Variants in RBFOX1 observed in about 807,000 individuals in gnomAD.
The protein encoded by RBFOX1 is RNA binding protein fox-1 homolog 1.
Under a neutral mutation model 57.7 loss-of-function variants are expected in RBFOX1, and 8 were observed. The observed-to-expected ratio is 0.14, with a 90% confidence interval of 0.08 to 0.25. RBFOX1 has a LOEUF of 0.25. RBFOX1 is among the 10% of genes least tolerant of loss of function. The probability of loss-of-function intolerance (pLI) is 1.00; values close to 1 mark genes in which losing one functional copy is unlikely to be tolerated. For missense variants in RBFOX1, 611 were observed against 548.5 expected, an observed-to-expected ratio of 1.11 and a Z score of -1.14; for synonymous variants, 326 against 222.4, an observed-to-expected ratio of 1.47 and a Z score of -4.15.
intron 1 of RBFOX1, among the ~76,000 whole-genome samples, chr16:6,310,272 C>G (rs939267179): frequency 6.6e-6 from 1 of 152,186 alleles, no homozygotes; most frequent in African/African-American, 2.4e-5. Context: ...AAGAGCCTCA[C>G]TGGTTCCTTA....
intron 2 of RBFOX1, among the ~76,000 whole-genome samples, chr16:6,415,940 A>G (rs1472448420): frequency 1.3e-5 from 2 of 152,244 alleles, no homozygotes; most frequent in Admixed American, 6.5e-5. Context: ...TCAGGATATC[A>G]AAATTTGTTG....
intron 5 of RBFOX1, among the ~76,000 whole-genome samples, chr16:7,555,003 G>A (rs2087869102): frequency 6.6e-6 from 1 of 152,106 alleles, no homozygotes. Context: ...AGGTAGTATT[G>A]CATATTTATA....
intron 1 of RBFOX1, among the ~76,000 whole-genome samples, chr16:5,333,740 A>G (rs545462522): frequency 2.6e-5 from 4 of 152,306 alleles, no homozygotes; most frequent in East Asian, 1.9e-4. Context: ...CACCTAGGCT[A>G]TATTATGGTG....
At chr16:6,951,902 AT>A (rs776287362) in intron 3 of RBFOX1, among the ~76,000 whole-genome samples, 617 of 151,090 alleles carry the variant, frequency 4.1e-3, no homozygotes, top group African/African-American at 0.014. Flanking sequence ...TGCCCAGCTA[AT>A]TTTTGTATAT....
chr16:6,509,464 T>A (rs191833481), intron 2 of RBFOX1, among the ~76,000 whole-genome samples: 84 of 152,240 alleles, frequency 5.5e-4, no homozygotes, highest in African/African-American at 1.9e-3. Context: ...TTCTTGCTTA[T>A]TTGTGGGAGC....
intron 3 of RBFOX1, among the ~76,000 whole-genome samples, chr16:6,677,234 G>A (rs1022853668): frequency 2.0e-5 from 3 of 152,116 alleles, no homozygotes; most frequent in Non-Finnish European, 2.9e-5. Context: ...GGTTTTCCGT[G>A]CTCTAGAGAC....
At chr16:6,280,959 GTGTGTGTGTA>G (rs1383251974) in intron 1 of RBFOX1, among the ~76,000 whole-genome samples, 14 of 149,764 alleles carry the variant, frequency 9.3e-5, no homozygotes, top group Admixed American at 7.3e-4. Flanking sequence ...ACATATGTGT[GTGTGTGTGTA>G]TGTGTGTGTA....
chr16:7,186,384 A>G (rs1393323324), intron 4 of RBFOX1, among the ~76,000 whole-genome samples: 1 of 62,616 alleles, frequency 1.6e-5, no homozygotes, highest in Non-Finnish European at 2.6e-5. Context: ...AAACATAAAC[A>G]TATTTATATA....
chr16:5,589,827 C>G lies in RBFOX1; in HGVS notation c.259-9075C>G, dbSNP rs532569222. On this transcript the variant is annotated intron_variant, in intron 2 of 2. Transcript: ENST00000585867. ...GGCTTGACCCCAACTCTACGTGACC[C>G]CCAGTGCAGCTCTCCTTCCACTCCA... Among the ~76,000 whole-genome samples the G allele has an allele frequency of 3.6e-4, 55 of 152,306 alleles. 2 individuals are homozygous for G. In the South Asian group the frequency reaches 0.011, roughly 31 times the overall value.
intron 4 of RBFOX1, among the ~76,000 whole-genome samples, chr16:5,867,705 C>T (rs12924516): frequency 2.9e-4 from 44 of 151,902 alleles, no homozygotes; most frequent in African/African-American, 9.9e-4. Context: ...TATTTTTTTC[C>T]TTTCCTTTAT....
chr16:7,319,371 C>G (rs28656838), intron 4 of RBFOX1, among the ~76,000 whole-genome samples: 63 of 152,240 alleles, frequency 4.1e-4, no homozygotes, highest in African/African-American at 1.4e-3. Flanking sequence ...TAGTGCCTAA[C>G]CAGCTCAATA....
chr16:7,311,163 C>T (rs2096297503), intron 4 of RBFOX1, among the ~76,000 whole-genome samples: 2 of 152,174 alleles, frequency 1.3e-5, no homozygotes, highest in African/African-American at 2.4e-5. Flanking sequence ...CCAAGGAGGG[C>T]TTTGAGATGA....
chr16:7,036,560 G>C (rs764904417), intron 3 of RBFOX1, among the ~76,000 whole-genome samples: 5 of 152,044 alleles, frequency 3.3e-5, no homozygotes, highest in Non-Finnish European at 5.9e-5. Context: ...GGATACTGTG[G>C]CGGCTGCCCA....
At chr16:7,191,018 C>A (rs117912617) in intron 4 of RBFOX1, among the ~76,000 whole-genome samples, 1,977 of 152,172 alleles carry the variant, frequency 0.013, 31 homozygotes, top group Middle Eastern at 0.02. Flanking sequence ...CTCCCACCCC[C>A]ACATAGTGTC....
At chr16:7,207,822 C>T (rs1479568092) in intron 4 of RBFOX1, among the ~76,000 whole-genome samples, 1 of 152,118 alleles carries the variant, frequency 6.6e-6, no homozygotes, top group East Asian at 1.9e-4. Context: ...AGCAGGCCAC[C>T]ATCTATCACC....
chr16:6,280,359 G>A (rs1042691951), intron 1 of RBFOX1, among the ~76,000 whole-genome samples: 2 of 151,570 alleles, frequency 1.3e-5, no homozygotes, highest in Non-Finnish European at 2.9e-5. Flanking sequence ...TCCTTTTTTT[G>A]TTCTTTCATA....
chr16:6,389,895 T>G (rs1257215248), intron 2 of RBFOX1, among the ~76,000 whole-genome samples: 4 of 152,212 alleles, frequency 2.6e-5, no homozygotes, highest in Non-Finnish European at 5.9e-5. Context: ...TACTTATGTG[T>G]ACTGCCATCT....
chr16:7,188,149 G>T (rs527366555), intron 4 of RBFOX1, among the ~76,000 whole-genome samples: 1 of 152,328 alleles, frequency 6.6e-6, no homozygotes, highest in Non-Finnish European at 1.5e-5. Context: ...AGCAAGAGGT[G>T]TATTATCTAA....
At chr16:5,582,089 A>G (rs1404965343) in intron 2 of RBFOX1, among the ~76,000 whole-genome samples, 1 of 152,180 alleles carries the variant, frequency 6.6e-6, no homozygotes, top group Non-Finnish European at 1.5e-5. Context: ...CTGTTAAAAG[A>G]GCTGACAGCT....
Sources: allele counts gnomAD v4.1 joint callset (sites outside exome capture counted in the v4.1 genomes callset), GRCh38; gene constraint gnomAD v4.1.1; transcripts MANE v1.5; gene names NCBI Gene and HGNC (gene_info 2026-07-23, HGNC 2026-07-21).